The following LRRTM4 variants were observed in gnomAD, a reference collection of about 807,000 sequenced individuals.
The protein encoded by LRRTM4 is leucine-rich repeat transmembrane neuronal protein 4.
Under a neutral mutation model 47.6 loss-of-function variants are expected in LRRTM4, and 25 were observed. That is an observed-to-expected ratio of 0.53 (90% CI 0.38 to 0.73). The LOEUF (loss-of-function observed/expected upper bound fraction) is 0.73, where lower values mean the gene tolerates loss of function less well. LRRTM4 is among the 30% of genes least tolerant of loss of function. The probability of loss-of-function intolerance (pLI) is 0.00; values close to 1 mark genes in which losing one functional copy is unlikely to be tolerated. For missense variants in LRRTM4, 638 were observed against 713.4 expected, an observed-to-expected ratio of 0.89 and a Z score of 1.20; for synonymous variants, 311 against 269.5, an observed-to-expected ratio of 1.15 and a Z score of -1.51.
intron 3 of LRRTM4, among the ~76,000 whole-genome samples, chr2:77,003,535 T>C (rs1677516196): frequency 6.6e-6 from 1 of 152,184 alleles, no homozygotes; most frequent in East Asian, 1.9e-4. Flanking sequence ...TATATCACCT[T>C]TGCCTGCCGC....
chr2:77,017,628 G>A, intron 3 of LRRTM4, among the ~76,000 whole-genome samples: 1 of 152,006 alleles, frequency 6.6e-6, no homozygotes, highest in Non-Finnish European at 1.5e-5. Flanking sequence ...CCTAGACATG[G>A]AGTACTTAAA....
chr2:76,804,792 C>T (rs1410608786), intron 3 of LRRTM4, among the ~76,000 whole-genome samples: 2 of 149,162 alleles, frequency 1.3e-5, no homozygotes, highest in East Asian at 2.0e-4. Flanking sequence ...ATATATATAT[C>T]ATTGTTTTAT....
chr2:77,260,274 C>T (rs1466872952), intron 3 of LRRTM4, among the ~76,000 whole-genome samples: 2 of 151,834 alleles, frequency 1.3e-5, no homozygotes, highest in East Asian at 1.9e-4. Flanking sequence ...AAAATATGAA[C>T]GAGTAAAAGT....
chr2:77,161,713 A>C (rs947989366), intron 3 of LRRTM4, among the ~76,000 whole-genome samples: 2 of 152,060 alleles, frequency 1.3e-5, no homozygotes, highest in Admixed American at 1.3e-4. Context: ...CAACTGTGAA[A>C]TTTTTTGCAG....
At chr2:77,517,263 TA>T (rs1679245929) in intron 3 of LRRTM4, 2 of 983,642 alleles carry the variant, frequency 2.0e-6, no homozygotes, top group African/African-American at 1.7e-5. Context: ...TTTATTCTTA[TA>T]AAAACAAAAA....
At chr2:77,182,781 C>G (rs908717211) in intron 3 of LRRTM4, among the ~76,000 whole-genome samples, 1 of 151,968 alleles carries the variant, frequency 6.6e-6, no homozygotes, top group African/African-American at 2.4e-5. Flanking sequence ...CAGTTTTTGC[C>G]CATTCAGTAT....
chr2:77,436,378 G>A (rs888530200), intron 3 of LRRTM4, among the ~76,000 whole-genome samples: 1 of 151,916 alleles, frequency 6.6e-6, no homozygotes, highest in African/African-American at 2.4e-5. Context: ...GCAATGCTAA[G>A]GTTGTTTGAT....
intron 3 of LRRTM4, among the ~76,000 whole-genome samples, chr2:77,116,863 G>A (rs766847780): frequency 8.6e-5 from 13 of 151,938 alleles, no homozygotes; most frequent in Non-Finnish European, 1.9e-4. Context: ...TGATGTTGTA[G>A]TAAATTTACC....
chr2:76,998,683 A>C (rs551629923), intron 3 of LRRTM4, among the ~76,000 whole-genome samples: 13 of 151,970 alleles, frequency 8.6e-5, no homozygotes, highest in East Asian at 3.9e-4. Context: ...AAAAAAACCC[A>C]AAAAAACAAA....
At chr2:77,324,014 A>G (rs915787548) in intron 3 of LRRTM4, among the ~76,000 whole-genome samples, 1 of 152,158 alleles carries the variant, frequency 6.6e-6, no homozygotes, top group Non-Finnish European at 1.5e-5. Flanking sequence ...GCTTGCATTT[A>G]TTCATTTTCA....
intron 3 of LRRTM4, among the ~76,000 whole-genome samples, chr2:77,236,255 C>T (rs953980279): frequency 6.6e-6 from 1 of 151,700 alleles, no homozygotes; most frequent in Non-Finnish European, 1.5e-5. Context: ...AGATGTCTTC[C>T]TATTTTACTT....
At chr2:77,416,599 G>A (rs2103871364) in intron 3 of LRRTM4, among the ~76,000 whole-genome samples, 1 of 151,974 alleles carries the variant, frequency 6.6e-6, no homozygotes, top group East Asian at 1.9e-4. Flanking sequence ...ATAAACACAG[G>A]AAATTACTAT....
chr2:76,862,041 A>T (rs899976481), intron 3 of LRRTM4, among the ~76,000 whole-genome samples: 1 of 151,368 alleles, frequency 6.6e-6, no homozygotes, highest in African/African-American at 2.4e-5. Context: ...ATTTATATAC[A>T]GCCACAGGTA....
At chr2:77,374,511 T>A (rs1229869594) in intron 3 of LRRTM4, among the ~76,000 whole-genome samples, 1 of 151,850 alleles carries the variant, frequency 6.6e-6, no homozygotes, top group East Asian at 1.9e-4. Flanking sequence ...TATCAATATA[T>A]TTGCATAGAT....
chr2:77,138,460 C>T (rs1023130867), intron 3 of LRRTM4, among the ~76,000 whole-genome samples: 1 of 152,108 alleles, frequency 6.6e-6, no homozygotes, highest in Non-Finnish European at 1.5e-5. Context: ...ATCTCTGGGA[C>T]ACATTTAAAC....
rs1573227446 is a variant in LRRTM4 at position 76,863,869 on chromosome 2, T to G, written c.1552-114953A>C. On this transcript the variant is annotated intron_variant, in intron 3 of 3. Transcript: ENST00000409884. ...TAACACTCAGGGACCTGAAATACAGTGGTGGCTGCATGAGATTCAAAAAGC... is the reference window on the plus strand; with the variant it reads ...TAACACTCAGGGACCTGAAATACAGGGGTGGCTGCATGAGATTCAAAAAGC... Among the ~76,000 whole-genome samples the G allele has an allele frequency of 3.3e-5, 5 of 152,276 alleles. No homozygotes were observed. The South Asian group carries it at 1.0e-3, about 32-fold the overall frequency.
chr2:77,094,012 C>A (rs960685226), intron 3 of LRRTM4, among the ~76,000 whole-genome samples: 3 of 116,144 alleles, frequency 2.6e-5, no homozygotes, highest in Admixed American at 2.4e-4. Flanking sequence ...TATCTCCCTT[C>A]GCTGACTCTT....
At chr2:77,169,822 C>A (rs1379504469) in intron 3 of LRRTM4, among the ~76,000 whole-genome samples, 1 of 151,876 alleles carries the variant, frequency 6.6e-6, no homozygotes, top group Non-Finnish European at 1.5e-5. Context: ...ACAAAGTAGA[C>A]TAAGACATTT....
At chr2:77,148,387 T>G (rs1672316516) in intron 3 of LRRTM4, among the ~76,000 whole-genome samples, 1 of 152,152 alleles carries the variant, frequency 6.6e-6, no homozygotes, top group Admixed American at 6.6e-5. Context: ...ACTGCTATAC[T>G]AAGAATGCGA....
Sources: gnomAD v4.1 joint callset for allele counts (sites outside exome capture counted in the v4.1 genomes callset) on GRCh38, gnomAD v4.1.1 for gene constraint, MANE v1.5 for transcripts, NCBI Gene and HGNC (gene_info 2026-07-23, HGNC 2026-07-21) for gene names.